Variants in COMMD4 observed in about 807,000 individuals in gnomAD.
COMMD4 encodes the protein COMM domain-containing protein 4.
COMMD4 carries 18 observed loss-of-function variants against 27.5 expected under a neutral mutation model. The observed-to-expected ratio is 0.65, with a 90% CI of 0.45 to 0.97. COMMD4 has a LOEUF of 0.97. Ranked by LOEUF, COMMD4 falls within the 50% of genes least tolerant of loss-of-function variation. The pLI is 0.00. For synonymous variants in COMMD4, 108 were observed against 108.4 expected, an observed-to-expected ratio of 1.00 and a Z score of 0.02; for missense variants, 243 against 250.0, an observed-to-expected ratio of 0.97 and a Z score of 0.19.
chr15:75,339,809 G>T lies in COMMD4; in HGVS notation c.490G>T (p.Ala164Ser). The change falls in exon 7 of 8, where the codon GCC becomes TCC. Residue 164 changes from alanine (A) to serine (S), a missense_variant. Transcript: ENST00000267935. ...MVHLRLEVAA[A>S]PGTPAQPVAM... ...GCACCTGCGGCTGGAGGTGGCAGCT[G>T]CCCCAGGGACCCCAGCCCAGCCTGT... The T allele has an allele frequency of 6.2e-7, 1 of 1,614,136 alleles. No individual in the cohort carries two copies. Among genetic ancestry groups the T allele is most frequent in the Non-Finnish European group, 8.5e-7 (1 of 1,180,012 alleles).
Position 75,338,355 on chromosome 15 carries a change from T to C in COMMD4, c.76T>C (p.Ser26Pro). The change falls in exon 3 of 8, where the codon TCC becomes CCC. Residue 26 changes from serine (S) to proline (P), a missense_variant and splice_region_variant. Ser to Pro is a moderately conservative substitution (Grantham distance 74, BLOSUM62 -1). Coordinates refer to ENST00000267935, the MANE Select transcript of COMMD4 (RefSeq NM_017828.5). The stretch of plus-strand genomic sequence containing the variant: ...GCTGATGTAAGGACTTCCCTTCCAG[T>C]CCTCTGTGAAGTTGCGGCTGCTCTG... ...LAEISTLAKMSSVKLRLLCSQ... is the reference protein window; with the variant it reads ...LAEISTLAKMPSVKLRLLCSQ... 1 of 1,598,988 alleles carries C rather than the reference T, an allele frequency of 6.3e-7. No individual in the cohort carries two copies. The highest frequency in any genetic ancestry group is 1.1e-5 in the South Asian group (1 of 89,448).
intron 1 of COMMD4, chr15:75,336,523 G>C: frequency 2.8e-6 from 1 of 353,366 alleles, no homozygotes; most frequent in Non-Finnish European, 5.2e-6. Context: ...AAGCCCCTCC[G>C]CTCTTTCCAG....
At chr15:75,342,742 G>A (rs1482983128), downstream of COMMD4, 2 of 151,972 alleles carry the variant, frequency 1.3e-5, no homozygotes, top group Non-Finnish European at 2.9e-5. Context: ...CTAAAAGAGG[G>A]TTTTAAATGT....
rs762387019 is a variant in COMMD4, at chr15:75,339,326, C to T, written c.364C>T (p.Arg122Trp). The change falls in exon 6 of 8, where the codon CGG (arginine) becomes TGG (tryptophan). Residue 122 changes from arginine (R) to tryptophan (W), a missense_variant. By Grantham distance (101) the Arg-to-Trp change is moderately radical (BLOSUM62 -3). Coordinates refer to ENST00000267935, the MANE Select transcript of COMMD4 (RefSeq NM_017828.5). The part of the protein sequence containing the change: ...EKQSPLQKHL[R>W]VCSLRMNRLA... ...GCAAAGCCCCTTGCAGAAGCACTTG[C>T]GGGTCTGCAGCCTACGCAGTAAGTA... 23 of 1,611,248 alleles carry T rather than the reference C, an allele frequency of 1.4e-5. No individual in the cohort carries two copies. Among genetic ancestry groups the T allele is most frequent in the Admixed American group, 5.0e-5 (3 of 59,924 alleles).
intron 6 of COMMD4, 142 bp from the exon 7 acceptor site, chr15:75,339,560 C>G (rs2071370589): frequency 4.4e-6 from 5 of 1,148,696 alleles, no homozygotes; most frequent in Non-Finnish European, 6.1e-6. Context: ...GGCACCTGCC[C>G]TGTTCTGAGC....
chr15:75,337,660 G>A, intron 1 of COMMD4: 1 of 227,898 alleles, frequency 4.4e-6, no homozygotes, highest in Non-Finnish European at 8.6e-6. Context: ...AGCAAGGCTG[G>A]TGTGCCCCAG....
downstream of COMMD4, chr15:75,342,026 C>G (rs1043254572): frequency 7.5e-6 from 1 of 132,908 alleles, no homozygotes; most frequent in Non-Finnish European, 1.6e-5. Context: ...TGTGATCATA[C>G]CTCTGCACTC....
chr15:75,336,106 G>C lies in COMMD4; in HGVS notation c.3+14G>C. 1 of 1,549,818 alleles carries C rather than the reference G, an allele frequency of 6.5e-7. No homozygotes were observed. Among genetic ancestry groups the C allele is most frequent in the South Asian group, 1.2e-5 (1 of 83,972 alleles). ...CTTGGCGCGATGGTGAGGCACTAGG[G>C]GCGAAGCGAGGCTTGGGCTGCTGGA... On this transcript the variant is annotated intron_variant, in intron 1 of 7. Transcript: ENST00000267935.
chr15:75,338,227 C>T, intron 2 of COMMD4, 94 bp downstream of exon 2: 1 of 1,502,582 alleles, frequency 6.7e-7, no homozygotes, highest in East Asian at 2.4e-5. Context: ...GGGGCTAGGG[C>T]CTCAGTGCTC....
At chr15:75,337,912 C>G in intron 1 of COMMD4, 150 bp from the exon 2 acceptor site, 2 of 752,570 alleles carry the variant, frequency 2.7e-6, no homozygotes, top group Non-Finnish European at 4.4e-6. Flanking sequence ...TACTCAACAG[C>G]CTGGTGATAG....
chr15:75,336,084 G>A lies in COMMD4; in HGVS notation c.-6G>A. On this transcript the variant is annotated 5_prime_UTR_variant, in exon 1 of 8. Coordinates refer to ENST00000267935, the MANE Select transcript of COMMD4 (RefSeq NM_017828.5). ...AGAAATTCCCGGGCCCTGGCTTCTTGGCGCGATGGTGAGGCACTAGGGGCG... is the reference window on the plus strand; with the variant it reads ...AGAAATTCCCGGGCCCTGGCTTCTTAGCGCGATGGTGAGGCACTAGGGGCG... 1 of 1,549,770 alleles carries A rather than the reference G, an allele frequency of 6.5e-7. No homozygotes were observed. The highest frequency in any genetic ancestry group is 8.7e-7 in the Non-Finnish European group (1 of 1,146,824).
downstream of COMMD4, chr15:75,343,184 AATT>A (rs1356075951): frequency 2.6e-5 from 4 of 152,214 alleles, no homozygotes; most frequent in African/African-American, 9.6e-5. Context: ...AAATTTATAC[AATT>A]ATTATTTGTC....
At chr15:75,337,979 G>A (rs757274363) in intron 1 of COMMD4, 83 bp from the exon 2 acceptor site, 15 of 1,387,106 alleles carry the variant, frequency 1.1e-5, no homozygotes, top group Admixed American at 6.5e-5. Context: ...GGTCCCTGGT[G>A]GGCAGCAGTG....
intron 1 of COMMD4, 82 bp downstream of exon 1, chr15:75,336,174 G>A: frequency 6.5e-7 from 1 of 1,549,430 alleles, no homozygotes; most frequent in Non-Finnish European, 8.7e-7. Flanking sequence ...AACTGGGGGA[G>A]GTTGTACTGG....
downstream of COMMD4, chr15:75,341,324 G>A (rs1269409410): frequency 6.6e-6 from 1 of 152,298 alleles, no homozygotes; most frequent in Non-Finnish European, 1.5e-5. Flanking sequence ...AAAGGCTGAT[G>A]CCAGGGTTGG....
At position 75,340,269 on chromosome 15, in the gene COMMD4, A is replaced by G. The variant is rs1343907513; in HGVS notation, c.*264A>G. 1.8e-6 allele frequency: 1 copy of G among 551,822 alleles called. No homozygotes were observed. The highest frequency in any genetic ancestry group is 1.9e-5 in the African/African-American group (1 of 53,274). 34.2% of individuals were successfully genotyped at this position (551,822 alleles called of 1,614,324 possible). Reference sequence around the variant, plus strand: ...GCAGGAAAAATAAACAGAAGTATAAAGGAATGTGTGCAGGGGGTTCTGTTT... The same window carrying G: ...GCAGGAAAAATAAACAGAAGTATAAGGGAATGTGTGCAGGGGGTTCTGTTT... On this transcript the variant is annotated 3_prime_UTR_variant, in exon 8 of 8. Coordinates refer to ENST00000267935, the MANE Select transcript of COMMD4 (RefSeq NM_017828.5).
At chr15:75,338,010 G>A in intron 1 of COMMD4, 52 bp from the exon 2 acceptor site, 1 of 1,550,464 alleles carries the variant, frequency 6.4e-7, no homozygotes, top group Middle Eastern at 1.7e-4. Flanking sequence ...ACGGATCCTG[G>A]CCACACCTCA....
At chr15:75,341,362 C>T (rs2071426907), downstream of COMMD4, 1 of 152,204 alleles carries the variant, frequency 6.6e-6, no homozygotes, top group Non-Finnish European at 1.5e-5. Flanking sequence ...GAGGACTCGC[C>T]TGGAGTATCT....
chr15:75,339,824 G>C lies in COMMD4; in HGVS notation c.505G>C (p.Ala169Pro), dbSNP rs1290371768. 3.1e-6 allele frequency: 5 copies of C among 1,613,978 alleles called. No individual in the cohort carries two copies. The South Asian group carries it at 4.4e-5, about 14-fold the overall frequency. ...GGTGGCAGCTGCCCCAGGGACCCCA[G>C]CCCAGCCTGTTGCCATGTCCCTCTC... Reference protein sequence around the residue: ...LEVAAAPGTPAQPVAMSLSAD... With the variant: ...LEVAAAPGTPPQPVAMSLSAD... The change falls in exon 7 of 8, where the codon GCC becomes CCC. Residue 169 changes from alanine to proline, a missense_variant. Transcript: ENST00000267935.
Sources: allele counts gnomAD v4.1 joint callset, GRCh38; gene constraint gnomAD v4.1.1; transcripts MANE v1.5; gene names NCBI Gene and HGNC (gene_info 2026-07-23, HGNC 2026-07-21).